AMD1: variants seen among roughly 807,000 people sequenced by gnomAD.
The protein encoded by AMD1 is S-adenosylmethionine decarboxylase proenzyme.
AMD1 carries 11 observed loss-of-function variants against 40.2 expected under a neutral mutation model. That is an observed-to-expected ratio of 0.27 (90% confidence interval 0.17 to 0.45). The LOEUF is 0.45. Ranked by LOEUF, AMD1 falls within the 20% of genes least tolerant of loss-of-function variation. The probability of loss-of-function intolerance (pLI) is 1.00; values close to 1 mark genes in which losing one functional copy is unlikely to be tolerated. For missense variants in AMD1, 257 were observed against 410.2 expected, an observed-to-expected ratio of 0.63 and a Z score of 3.23; for synonymous variants, 121 against 130.8, an observed-to-expected ratio of 0.93 and a Z score of 0.51.
the AMD1 span, among the ~76,000 whole-genome samples, chr6:110,854,319 G>T: frequency 2.0e-5 from 3 of 152,114 alleles, no homozygotes; most frequent in Non-Finnish European, 4.4e-5. Flanking sequence ...GTCCAGTTAA[G>T]CAATACACCA....
At chr6:110,884,665 C>T (rs976043508) in intron 1 of AMD1, among the ~76,000 whole-genome samples, 3 of 151,990 alleles carry the variant, frequency 2.0e-5, no homozygotes, top group East Asian at 1.9e-4. Context: ...CTTCTGGTCT[C>T]GTGATCCTTC....
the AMD1 span, chr6:110,858,557 G>A: frequency 6.2e-7 from 1 of 1,600,750 alleles, no homozygotes; most frequent in Non-Finnish European, 8.5e-7. Context: ...GGACCTGTTC[G>A]ATGCCAACGA....
chr6:110,871,598 A>C (rs552757817), upstream of AMD1, among the ~76,000 whole-genome samples: 44 of 152,232 alleles, frequency 2.9e-4, no homozygotes, highest in Non-Finnish European at 2.6e-4. Context: ...TAAAGAGGTA[A>C]GAAGAGATAA....
intron 8 of AMD1, 101 bp downstream of exon 8, chr6:110,893,166 C>T: frequency 1.8e-6 from 2 of 1,085,168 alleles, no homozygotes; most frequent in Non-Finnish European, 2.6e-6. Context: ...AGCACATATA[C>T]CAGCCACTCA....
chr6:110,885,370 C>T (rs1263088481), intron 1 of AMD1, among the ~76,000 whole-genome samples: 1 of 152,070 alleles, frequency 6.6e-6, no homozygotes, highest in African/African-American at 2.4e-5. Context: ...GCCTCGGCTG[C>T]CCAAAGTGGT....
intron 1 of AMD1, among the ~76,000 whole-genome samples, chr6:110,884,342 A>C (rs1215428661): frequency 6.6e-6 from 1 of 152,244 alleles, no homozygotes; most frequent in African/African-American, 2.4e-5. Context: ...CAAAACCAGG[A>C]AAATCTTAAC....
At chr6:110,887,307 T>A (rs1322339180) in intron 1 of AMD1, among the ~76,000 whole-genome samples, 198 bp from the exon 2 acceptor site, 1 of 152,212 alleles carries the variant, frequency 6.6e-6, no homozygotes, top group East Asian at 1.9e-4. Context: ...TAATGACCAA[T>A]TTTTGTTTCA....
chr6:110,875,113 C>G lies in AMD1; in HGVS notation c.8C>G (p.Ala3Gly), dbSNP rs1583208019. The G allele has an allele frequency of 1.2e-6, 2 of 1,613,332 alleles. No homozygotes were observed. The highest frequency in any genetic ancestry group is 1.7e-6 in the Non-Finnish European group (2 of 1,179,630). ME[A>G]AHFFEGTEKL... ...TTCGCTAGTCTCACGGTGATGGAAGCTGCACATTTTTTCGAAGGGACCGAG... is the reference window on the plus strand; with the variant it reads ...TTCGCTAGTCTCACGGTGATGGAAGGTGCACATTTTTTCGAAGGGACCGAG... Residue 3 changes from alanine (A) to glycine (G), a missense_variant, in exon 1 of 9, where the codon GCT (alanine) becomes GGT (glycine). By Grantham distance (60) the Ala-to-Gly change is moderately conservative (BLOSUM62 0). This residue lies in a region of AMD1 where 57 missense variants were observed against 76.8 expected (regional missense o/e 0.74). Coordinates refer to ENST00000368885, the MANE Select transcript of AMD1 (RefSeq NM_001634.6).
chr6:110,847,063 G>GTGGTGTGT, the AMD1 span, among the ~76,000 whole-genome samples: 28 of 143,176 alleles, frequency 2.0e-4, no homozygotes, highest in African/African-American at 7.1e-4. Flanking sequence ...GTGTGTGTGT[G>GTGGTGTGT]GTGTGTGTGT....
the AMD1 span, among the ~76,000 whole-genome samples, chr6:110,863,111 A>AT: frequency 6.6e-6 from 1 of 151,054 alleles, no homozygotes; most frequent in Admixed American, 6.6e-5. Context: ...CGCCCGGCTA[A>AT]TTTTTTTGTA....
At chr6:110,891,080 A>G (rs7768897) in intron 4 of AMD1, 131,438 of 152,232 alleles carry the variant, frequency 0.86, 56,911 homozygotes, top group Middle Eastern at 0.95. Context: ...ACTCTACTTT[A>G]TGTCTCACTC....
In AMD1 at chr6:110,874,880, C is replaced by T; in HGVS notation, c.-226C>T. 4 of 537,788 alleles carry T rather than the reference C, an allele frequency of 7.4e-6. No homozygotes were observed. The highest frequency in any genetic ancestry group is 3.1e-5 in the East Asian group (1 of 31,812). 33.3% of individuals were successfully genotyped at this position (537,788 alleles called of 1,614,324 possible). A position where few individuals can be genotyped will look rare whatever the true frequency, so the allele number is the denominator to read the frequency against. ...ACAAGAGACTGAACTGTATCTGCCT[C>T]TATTTCCAAAAGACTCACGTTCAAC... is the stretch of plus-strand genomic sequence containing the variant. On this transcript the variant is annotated 5_prime_UTR_variant, in exon 1 of 9. Coordinates refer to ENST00000368885, the MANE Select transcript of AMD1 (RefSeq NM_001634.6).
At chr6:110,815,200 T>G in the AMD1 span, 9 of 1,324,958 alleles carry the variant, frequency 6.8e-6, no homozygotes, top group Non-Finnish European at 5.9e-6. Context: ...CTCCTCCTCC[T>G]CCCCCCGCGA....
At chr6:110,816,372 T>C in the AMD1 span, among the ~76,000 whole-genome samples, 2 of 152,208 alleles carry the variant, frequency 1.3e-5, no homozygotes, top group East Asian at 1.9e-4. Context: ...TGAACGTTGA[T>C]TGATTTCATT....
the AMD1 span, among the ~76,000 whole-genome samples, chr6:110,847,063 GGT>G: frequency 0.16 from 22,976 of 143,002 alleles, 1,867 homozygotes; most frequent in East Asian, 0.32. Context: ...GTGTGTGTGT[GGT>G]GTGTGTGTGT....
the AMD1 span, among the ~76,000 whole-genome samples, chr6:110,842,904 G>GCA: frequency 6.6e-6 from 1 of 152,020 alleles, no homozygotes; most frequent in African/African-American, 2.4e-5. Flanking sequence ...GGAGGCCGAG[G>GCA]GGGATGGATC....
chr6:110,886,210 A>G (rs746997460), intron 1 of AMD1, among the ~76,000 whole-genome samples: 124 of 126,532 alleles, frequency 9.8e-4, no homozygotes, highest in East Asian at 1.1e-3. Flanking sequence ...GTGACAGAGC[A>G]AGACTCAGTC....
the AMD1 span, among the ~76,000 whole-genome samples, chr6:110,867,228 ACCTCAAATTCC>A: frequency 1.3e-5 from 2 of 151,708 alleles, no homozygotes; most frequent in African/African-American, 2.4e-5. Flanking sequence ...GCTCACTGTA[ACCTCAAATTCC>A]TGGGTTCCGA....
the AMD1 span, chr6:110,848,719 G>T: frequency 3.3e-6 from 1 of 299,982 alleles, no homozygotes; most frequent in Admixed American, 3.7e-5. Context: ...TAGCCATAAA[G>T]GTTGGTCCCA....
Sources: gnomAD v4.1 joint callset for allele counts (sites outside exome capture counted in the v4.1 genomes callset) on GRCh38, gnomAD v4.1.1 for gene constraint, gnomAD v4.1.1 regional missense constraint, MANE v1.5 for transcripts, NCBI Gene and HGNC (gene_info 2026-07-23, HGNC 2026-07-21) for gene names.